Variants in DIAPH2 observed in about 807,000 individuals in gnomAD.
DIAPH2 encodes protein diaphanous homolog 2.
In DIAPH2, 35 loss-of-function variants were observed where a neutral mutation model predicts 92.7. The ratio of observed to expected loss-of-function variants is 0.38; its 90% confidence interval spans 0.29 to 0.50. The LOEUF (loss-of-function observed/expected upper bound fraction) is 0.50, where lower values mean the gene tolerates loss of function less well. Ranked by LOEUF, DIAPH2 falls within the 20% of genes least tolerant of loss-of-function variation. The probability of loss-of-function intolerance (pLI) is 0.94; values close to 1 mark genes in which losing one functional copy is unlikely to be tolerated. For synonymous variants in DIAPH2, 301 were observed against 280.4 expected (o/e 1.07, Z -0.73); for missense variants, 701 against 819.5 (o/e 0.86, Z 1.77).
At chrX:97,066,426 A>G (rs948150432) in intron 17 of DIAPH2, among the ~76,000 whole-genome samples, 1 of 112,331 alleles carries the variant, frequency 8.9e-6, no homozygotes, top group African/African-American at 3.2e-5. Context: ...AGTAGGCTAT[A>G]CCATGTAGGT....
intron 26 of DIAPH2, among the ~76,000 whole-genome samples, chrX:97,535,407 C>A (rs1439345212): frequency 1.8e-5 from 2 of 111,890 alleles, no homozygotes; most frequent in Non-Finnish European, 3.8e-5. Context: ...TTCTTAAAAT[C>A]AGAAAGTCCC....
intron 17 of DIAPH2, among the ~76,000 whole-genome samples, chrX:97,042,941 G>A (rs1288506382): frequency 1.8e-5 from 2 of 111,706 alleles, no homozygotes; most frequent in Non-Finnish European, 3.8e-5. Flanking sequence ...AATATCCATA[G>A]CTTAAAATAT....
At chrX:97,311,288 G>A (rs927605124) in intron 23 of DIAPH2, among the ~76,000 whole-genome samples, 3 of 111,606 alleles carry the variant, frequency 2.7e-5, no homozygotes, top group African/African-American at 9.7e-5. Flanking sequence ...AAAAGTAGCC[G>A]AATACCTAGA....
In DIAPH2 at chrX:97,045,567, A is replaced by C. The variant is rs759745514; in HGVS notation, c.2051-27374A>C. On this transcript the variant is annotated intron_variant, in intron 17 of 26. Coordinates refer to ENST00000324765, the MANE Select transcript of DIAPH2 (RefSeq NM_006729.5). ...TCATTTACAGGCCTAAGAAAGGAGG[A>C]AGATCCAGCAAAGCAAATTGAGGAA... Among the ~76,000 whole-genome samples, 5 of 111,474 alleles carry C rather than the reference A, an allele frequency of 4.5e-5. No homozygotes were observed. In the South Asian group the frequency reaches 1.9e-3, roughly 42 times the overall value.
chrX:96,885,358 T>G (rs3138319), intron 5 of DIAPH2: 4,145 of 205,594 alleles, frequency 0.02, 189 homozygotes, highest in African/African-American at 0.13. Flanking sequence ...GAAGAAAAAC[T>G]ACAGAAAATG....
At chrX:97,234,934 C>T (rs2068036943) in intron 22 of DIAPH2, among the ~76,000 whole-genome samples, 1 of 112,059 alleles carries the variant, frequency 8.9e-6, no homozygotes, top group Non-Finnish European at 1.9e-5. Context: ...TTTTCACTTT[C>T]CTTTCCCTTG....
At chrX:96,705,586 A>AT (rs763981689) in intron 1 of DIAPH2, among the ~76,000 whole-genome samples, 2 of 112,141 alleles carry the variant, frequency 1.8e-5, no homozygotes, top group African/African-American at 6.5e-5. Flanking sequence ...AATGTTTATG[A>AT]TTTTTTTAGA....
chrX:97,546,835 C>CAA (rs201721287), intron 26 of DIAPH2, among the ~76,000 whole-genome samples: 2,727 of 96,625 alleles, frequency 0.028, 32 homozygotes, highest in Middle Eastern at 0.042. Flanking sequence ...GGCTCTGTCT[C>CAA]AAAAAAAAAA....
chrX:97,016,967 C>T (rs183990463), intron 17 of DIAPH2, among the ~76,000 whole-genome samples: 246 of 111,479 alleles, frequency 2.2e-3, no homozygotes, highest in Non-Finnish European at 3.8e-3. Flanking sequence ...TTTTTTAAAT[C>T]CTTGGCACGA....
At chrX:96,821,678 C>T (rs2064779015) in intron 4 of DIAPH2, among the ~76,000 whole-genome samples, 1 of 111,582 alleles carries the variant, frequency 9.0e-6, no homozygotes, top group African/African-American at 3.3e-5. Flanking sequence ...GGTTGAAATG[C>T]AGCTTTTCAG....
At chrX:96,789,752 C>T (rs974304131) in intron 4 of DIAPH2, among the ~76,000 whole-genome samples, 9 of 111,855 alleles carry the variant, frequency 8.0e-5, no homozygotes, top group Middle Eastern at 4.6e-3. Flanking sequence ...ACCTGATCCC[C>T]ACTCCCCCAA....
intron 23 of DIAPH2, among the ~76,000 whole-genome samples, chrX:97,303,437 A>T (rs1291108727): frequency 8.9e-6 from 1 of 112,038 alleles, no homozygotes; most frequent in Non-Finnish European, 1.9e-5. Flanking sequence ...GTCCTGTACT[A>T]TTCAGGAATT....
At chrX:97,234,526 A>G (rs1285814049) in intron 22 of DIAPH2, among the ~76,000 whole-genome samples, 1 of 111,027 alleles carries the variant, frequency 9.0e-6, no homozygotes, top group Non-Finnish European at 1.9e-5. Flanking sequence ...AGAGAGCAAG[A>G]TATTAAATAT....
chrX:97,477,022 C>CAT (rs2070613791), intron 26 of DIAPH2, among the ~76,000 whole-genome samples: 1 of 96,385 alleles, frequency 1.0e-5, no homozygotes, highest in Non-Finnish European at 2.0e-5. Flanking sequence ...CACACACACA[C>CAT]ACATACACAC....
At chrX:97,387,105 C>T in intron 25 of DIAPH2, among the ~76,000 whole-genome samples, 1 of 111,139 alleles carries the variant, frequency 9.0e-6, no homozygotes. Context: ...CACTCTGTCA[C>T]CCATGATGGA....
At chrX:97,275,348 G>A (rs927972400) in intron 23 of DIAPH2, among the ~76,000 whole-genome samples, 1 of 101,883 alleles carries the variant, frequency 9.8e-6, no homozygotes, top group Non-Finnish European at 2.0e-5. Flanking sequence ...CCTCCTGGGT[G>A]GGGCAGCTGG....
intron 3 of DIAPH2, among the ~76,000 whole-genome samples, chrX:96,748,074 A>T (rs1408531487): frequency 8.9e-6 from 1 of 112,112 alleles, no homozygotes; most frequent in Non-Finnish European, 1.9e-5. Flanking sequence ...CAGTAAACAG[A>T]TCTAAAAGGT....
At chrX:96,708,465 C>G (rs1267905117) in intron 1 of DIAPH2, among the ~76,000 whole-genome samples, 1 of 110,297 alleles carries the variant, frequency 9.1e-6, no homozygotes, top group Non-Finnish European at 1.9e-5. Context: ...TGGTCTTGAA[C>G]TCCTGACCTT....
chrX:97,128,438 A>C (rs1348866000), intron 21 of DIAPH2, among the ~76,000 whole-genome samples: 1 of 110,440 alleles, frequency 9.1e-6, no homozygotes, highest in African/African-American at 3.3e-5. Context: ...CTCCTATCTC[A>C]CCTGTGATTT....
Sources: allele counts gnomAD v4.1 joint callset (sites outside exome capture counted in the v4.1 genomes callset), GRCh38; gene constraint gnomAD v4.1.1; transcripts MANE v1.5; gene names NCBI Gene and HGNC (gene_info 2026-07-23, HGNC 2026-07-21).